Variants in ADAMTS13 observed in about 807,000 individuals in gnomAD.
ADAMTS13 encodes the protein ADAM metallopeptidase with thrombospondin type 1 motif 13.
ADAMTS13 carries 110 observed loss-of-function variants against 155.1 expected under a neutral mutation model. The observed-to-expected ratio is 0.71, with a 90% CI of 0.61 to 0.83. The LOEUF (loss-of-function observed/expected upper bound fraction) is 0.83. ADAMTS13 is among the 40% of genes least tolerant of loss of function. The pLI is 0.00. For synonymous variants in ADAMTS13, 758 were observed against 756.4 expected, an observed-to-expected ratio of 1.00 and a Z score of -0.03; for missense variants, 1,707 against 1,891.7, an observed-to-expected ratio of 0.90 and a Z score of 1.81.
Position 133,445,718 on chromosome 9 carries a change from G to A in ADAMTS13, c.2630G>A (p.Gly877Glu). 1 of 1,612,870 alleles carries A rather than the reference G, an allele frequency of 6.2e-7. No homozygotes were observed. Among genetic ancestry groups the A allele is most frequent in the East Asian group, 2.2e-5 (1 of 44,864 alleles). ...CCACAGCTGGATGCCACCTCTGCAG[G>A]GGAGAAGGCTCCCTCCCCATGGGGC... ...GWGHLDATSA[G>E]EKAPSPWGSI... is the part of the protein sequence containing the mutation. Residue 877 changes from glycine (G) to glutamate (E), a missense_variant, in exon 21 of 29, where the codon GGG becomes GAG. Physicochemically the swap from Gly to Glu is moderately conservative, Grantham distance 98. Around this residue, in one of 3 missense-constraint regions of ADAMTS13, gnomAD observed 961 missense variants for 1,107.9 expected, o/e 0.87. Coordinates refer to ENST00000355699, the MANE Select transcript of ADAMTS13 (RefSeq NM_139027.6). This position sits in a 1 kb window ranked among gnomAD's most constrained non-coding sequence, Gnocchi z 5.0.
At chr9:133,454,825 T>G (rs2130938907) in intron 24 of ADAMTS13, among the ~76,000 whole-genome samples, 1 of 152,202 alleles carries the variant, frequency 6.6e-6, no homozygotes, top group African/African-American at 2.4e-5. Flanking sequence ...AAGAGGCCCT[T>G]AGGTTTGGGG....
At chr9:133,432,236 G>T (rs1840822555) in intron 8 of ADAMTS13, among the ~76,000 whole-genome samples, 1 of 152,242 alleles carries the variant, frequency 6.6e-6, no homozygotes, top group Non-Finnish European at 1.5e-5. Flanking sequence ...TTGCCCTCCA[G>T]CCTGGGCAAC....
chr9:133,429,843 T>C, intron 7 of ADAMTS13, 96 bp from the exon 8 acceptor site: 2 of 1,485,496 alleles, frequency 1.3e-6, no homozygotes, highest in Non-Finnish European at 9.1e-7. Context: ...AGGCCACGCT[T>C]CCAAACGCTT....
Position 133,425,820 on chromosome 9 carries a change from C to T in ADAMTS13, c.415-118C>T, listed in dbSNP as rs992572292. ...CTTCTCTGAGCCTCAGTTGTCTCAT[C>T]CCTAACACGGGCTAGTCATAGGGTT... is the stretch of plus-strand genomic sequence containing the variant. On this transcript the variant is annotated intron_variant, in intron 4 of 28. Coordinates refer to ENST00000355699, the MANE Select transcript of ADAMTS13 (RefSeq NM_139027.6). The surrounding 1 kb of genome is among the most constrained non-coding windows in gnomAD (Gnocchi z 4.6). The T allele has an allele frequency of 1.1e-5, 17 of 1,525,590 alleles. No individual in the cohort carries two copies. The highest frequency in any genetic ancestry group is 3.9e-5 in the Admixed American group (2 of 51,694). The allele number at this position is 1,525,590 out of a possible 1,614,324, so 94.5% of individuals were successfully genotyped here.
chr9:133,449,697 G>A (rs1047780976), intron 22 of ADAMTS13, 86 bp from the exon 23 acceptor site: 17 of 1,505,948 alleles, frequency 1.1e-5, no homozygotes, highest in Non-Finnish European at 1.6e-5. Flanking sequence ...TCTCTTCCTA[G>A]TCTGGGGAAA....
At chr9:133,453,352 C>A (rs112811693) in intron 23 of ADAMTS13, among the ~76,000 whole-genome samples, 2 of 152,164 alleles carry the variant, frequency 1.3e-5, no homozygotes, top group Admixed American at 6.5e-5. Context: ...AGGAGAATGA[C>A]GTGAACCCAG....
At chr9:133,449,758 G>A (rs1554793785) in intron 22 of ADAMTS13, 25 bp from the exon 23 acceptor site, 3 of 1,612,998 alleles carry the variant, frequency 1.9e-6, no homozygotes, top group Admixed American at 1.7e-5. Context: ...GGCTGTTTGG[G>A]GTCCCTGACT....
At chr9:133,421,711 C>T (rs1839965269), upstream of ADAMTS13, among the ~76,000 whole-genome samples, 1 of 152,154 alleles carries the variant, frequency 6.6e-6, no homozygotes, top group South Asian at 2.1e-4. Flanking sequence ...GGAAGGGATC[C>T]AGAGCCAGGG....
chr9:133,435,290 G>A (rs1040207479), intron 11 of ADAMTS13, among the ~76,000 whole-genome samples: 14 of 150,474 alleles, frequency 9.3e-5, no homozygotes, highest in African/African-American at 2.9e-4. Context: ...GGGTTCAAGC[G>A]ATTCCCCTGC....
chr9:133,452,477 G>C (rs1842492634), intron 23 of ADAMTS13, among the ~76,000 whole-genome samples: 1 of 151,846 alleles, frequency 6.6e-6, no homozygotes, highest in Admixed American at 6.6e-5. Context: ...TGATTTCTTT[G>C]CCTATGCTAA....
At chr9:133,442,354 C>T (rs971878202) in intron 16 of ADAMTS13, 45 bp from the exon 17 acceptor site, 10 of 1,613,604 alleles carry the variant, frequency 6.2e-6, no homozygotes, top group Middle Eastern at 1.6e-4. Flanking sequence ...TGACAGTGAC[C>T]CTCAGGGAAC....
In ADAMTS13 at chr9:133,422,463, G is replaced by C; in HGVS notation, c.20G>C (p.Arg7Pro). 6.2e-7 allele frequency: 1 copy of C among 1,613,880 alleles called. No homozygotes were observed. The highest frequency in any genetic ancestry group is 2.2e-5 in the East Asian group (1 of 44,878). Residue 7 changes from arginine (R) to proline (P), a missense_variant, in exon 1 of 29, where the codon CGG becomes CCG. Arg to Pro is a moderately radical substitution (Grantham distance 103). Around this residue, in one of 3 missense-constraint regions of ADAMTS13, gnomAD observed 733 missense variants for 749.6 expected, o/e 0.98. Coordinates refer to ENST00000355699, the MANE Select transcript of ADAMTS13 (RefSeq NM_139027.6). Reference protein sequence around the residue: MHQRHPRARCPPLCVAG... With the variant: MHQRHPPARCPPLCVAG... The stretch of plus-strand genomic sequence containing the variant: ...CTGAGGATGCACCAGCGTCACCCCC[G>C]GGCAAGATGCCCTCCCCTCTGTGTG...
At chr9:133,439,550 G>T in intron 15 of ADAMTS13, 104 bp downstream of exon 15, 2 of 1,096,532 alleles carry the variant, frequency 1.8e-6, no homozygotes, top group Non-Finnish European at 2.8e-6. Context: ...AGTTCAGGGG[G>T]TTCCCCAAAC....
chr9:133,451,563 C>T (rs985236533), intron 23 of ADAMTS13, among the ~76,000 whole-genome samples: 10 of 152,126 alleles, frequency 6.6e-5, no homozygotes, highest in African/African-American at 2.4e-4. Flanking sequence ...TGGCCAGCCT[C>T]CTTAGTTTTA....
Position 133,444,866 on chromosome 9 carries a change from G to A in ADAMTS13, c.2424G>A (p.Trp808Ter). Residue 808 changes from tryptophan (W) to a stop codon, truncating the protein, a stop_gained, in exon 20 of 29, where the codon TGG becomes TGA. Coordinates refer to ENST00000355699, the MANE Select transcript of ADAMTS13 (RefSeq NM_139027.6). LOFTEE classifies it high-confidence loss of function. ...GACTGTCTCATGCCATCCTCAGGTG[G>A]GAGGTGTCAGAGCCCAGCTCATGCA... ...TCNPQPCPAR[W>*]EVSEPSSCTS... is the part of the protein sequence containing the mutation. The A allele has an allele frequency of 1.2e-6, 2 of 1,612,908 alleles. No homozygotes were observed. The highest frequency in any genetic ancestry group is 1.7e-6 in the Non-Finnish European group (2 of 1,180,012).
chr9:133,415,397 C>A (rs960131451), intron 1 of ADAMTS13, among the ~76,000 whole-genome samples: 2 of 151,466 alleles, frequency 1.3e-5, no homozygotes, highest in African/African-American at 4.8e-5. Flanking sequence ...CAACATCCTG[C>A]TACACAGAAA....
chr9:133,456,304 C>T lies in ADAMTS13; in HGVS notation c.3547+89C>T. 1 of 1,588,444 alleles carries T rather than the reference C, an allele frequency of 6.3e-7. No homozygotes were observed. Among genetic ancestry groups the T allele is most frequent in the Non-Finnish European group, 8.6e-7 (1 of 1,165,430 alleles). On this transcript the variant is annotated intron_variant, in intron 26 of 28. Transcript: ENST00000355699. This position sits in a 1 kb window ranked among gnomAD's most constrained non-coding sequence, Gnocchi z 4.4. ...CTGCATGCCCCATTCCTGGCAGGAG[C>T]CCATGTGCATTCCCACCTGTAGTTT... is the stretch of plus-strand genomic sequence containing the variant.
At position 133,440,446 on chromosome 9, in the gene ADAMTS13, T is replaced by C; in HGVS notation, c.1889T>C (p.Val630Ala). The change falls in exon 16 of 29, where the codon GTG becomes GCG. Residue 630 changes from valine (V) to alanine (A), a missense_variant. Physicochemically the swap from Val to Ala is moderately conservative, Grantham distance 64. Around this residue, in one of 3 missense-constraint regions of ADAMTS13, gnomAD observed 961 missense variants for 1,107.9 expected, o/e 0.87. Transcript: ENST00000355699. The surrounding 1 kb of genome is among the most constrained non-coding windows in gnomAD (Gnocchi z 4.3). Reference protein sequence around the residue: ...LLEDGRVEYRVALTEDRLPRL... With the variant: ...LLEDGRVEYRAALTEDRLPRL... ...GAGGATGGTCGTGTCGAGTACAGAGTGGCCCTCACCGAGGACCGGCTGCCC... is the reference window on the plus strand; with the variant it reads ...GAGGATGGTCGTGTCGAGTACAGAGCGGCCCTCACCGAGGACCGGCTGCCC... 1 of 1,613,450 alleles carries C rather than the reference T, an allele frequency of 6.2e-7. No individual in the cohort carries two copies. The highest frequency in any genetic ancestry group is 1.1e-5 in the South Asian group (1 of 91,070).
intron 11 of ADAMTS13, 29 bp from the exon 12 acceptor site, chr9:133,436,800 A>ACCCCC: frequency 1.9e-6 from 1 of 533,014 alleles, no homozygotes; most frequent in Non-Finnish European, 2.9e-6. Flanking sequence ...CCCCACCGCC[A>ACCCCC]TCCCCCTCCT....
Sources: allele counts gnomAD v4.1 joint callset (sites outside exome capture counted in the v4.1 genomes callset), GRCh38; gene constraint gnomAD v4.1.1; regional missense constraint gnomAD v4.1.1; non-coding constraint Gnocchi (gnomAD v3.1); transcripts MANE v1.5; gene names NCBI Gene and HGNC (gene_info 2026-07-23, HGNC 2026-07-21).